Variants in NDST4 observed in about 807,000 individuals in gnomAD.
NDST4 encodes N-deacetylase and N-sulfotransferase 4.
In NDST4, 63 loss-of-function variants were observed where a neutral mutation model predicts 100.8. That is an observed-to-expected ratio of 0.62 (90% CI 0.51 to 0.77). The LOEUF (loss-of-function observed/expected upper bound fraction) is 0.77. NDST4 is among the 30% of genes least tolerant of loss of function. The probability of loss-of-function intolerance (pLI) is 0.00; values close to 1 mark genes in which losing one functional copy is unlikely to be tolerated. For synonymous variants in NDST4, 377 were observed against 361.8 expected (o/e 1.04, Z -0.48); for missense variants, 943 against 1,018.4 (o/e 0.93, Z 1.01).
chr4:114,925,490 T>G (rs995681234), intron 6 of NDST4, among the ~76,000 whole-genome samples: 20 of 152,170 alleles, frequency 1.3e-4, no homozygotes, highest in African/African-American at 4.8e-4. Flanking sequence ...CATAATGTAC[T>G]GCACCTGCTA....
At chr4:114,995,401 C>G (rs888503431) in intron 2 of NDST4, among the ~76,000 whole-genome samples, 13 of 152,066 alleles carry the variant, frequency 8.5e-5, no homozygotes, top group African/African-American at 2.9e-4. Context: ...TCTATTTTCA[C>G]TTAGAAGTAA....
intron 1 of NDST4, among the ~76,000 whole-genome samples, chr4:115,109,692 A>G (rs929119597): frequency 4.6e-5 from 7 of 151,916 alleles, no homozygotes; most frequent in Non-Finnish European, 8.8e-5. Context: ...CTAATTAAAC[A>G]TAACTATTTA....
At chr4:115,096,440 T>C (rs1373254618) in intron 1 of NDST4, among the ~76,000 whole-genome samples, 1 of 152,078 alleles carries the variant, frequency 6.6e-6, no homozygotes, top group Non-Finnish European at 1.5e-5. Flanking sequence ...TCTTTCCTTT[T>C]CATTGTTCTC....
intron 2 of NDST4, among the ~76,000 whole-genome samples, chr4:115,063,557 T>A (rs1728868498): frequency 6.6e-6 from 1 of 151,962 alleles, no homozygotes; most frequent in Admixed American, 6.6e-5. Flanking sequence ...ATTCTTTAGA[T>A]ATGAAACCTT....
chr4:115,071,136 A>T (rs1729068178), intron 2 of NDST4, among the ~76,000 whole-genome samples: 1 of 150,412 alleles, frequency 6.6e-6, no homozygotes, highest in African/African-American at 2.5e-5. Context: ...AAAATAAAAT[A>T]AAAAAATAAA....
chr4:115,039,250 A>T (rs1248063524), intron 2 of NDST4, among the ~76,000 whole-genome samples: 3 of 152,128 alleles, frequency 2.0e-5, no homozygotes, highest in Non-Finnish European at 4.4e-5. Flanking sequence ...AGAACACAAA[A>T]TCCCGAAGGA....
At chr4:114,953,038 T>A (rs1726056634) in intron 4 of NDST4, among the ~76,000 whole-genome samples, 1 of 150,582 alleles carries the variant, frequency 6.6e-6, no homozygotes. Context: ...TTTTCTTTTT[T>A]TTTTTTTGTG....
At chr4:114,949,366 C>T (rs762518670) in intron 4 of NDST4, among the ~76,000 whole-genome samples, 8 of 151,892 alleles carry the variant, frequency 5.3e-5, no homozygotes, top group Non-Finnish European at 7.4e-5. Flanking sequence ...AGCATGATGT[C>T]GGATAGGGAA....
intron 12 of NDST4, among the ~76,000 whole-genome samples, chr4:114,831,113 C>A (rs1217972430): frequency 6.7e-6 from 1 of 150,198 alleles, no homozygotes; most frequent in Admixed American, 6.6e-5. Flanking sequence ...ACTGCAGTGG[C>A]GCAATCTCGG....
intron 2 of NDST4, among the ~76,000 whole-genome samples, chr4:115,015,284 A>T (rs1473046821): frequency 6.6e-6 from 1 of 152,100 alleles, no homozygotes; most frequent in African/African-American, 2.4e-5. Context: ...TGCCAGGTTT[A>T]CAGATGGTTC....
intron 6 of NDST4, among the ~76,000 whole-genome samples, chr4:114,898,963 T>C (rs1724775298): frequency 6.6e-6 from 1 of 152,156 alleles, no homozygotes; most frequent in Non-Finnish European, 1.5e-5. Context: ...TCATGTCACC[T>C]GCAAACAAAG....
At chr4:115,003,818 A>G (rs1029098396) in intron 2 of NDST4, among the ~76,000 whole-genome samples, 1 of 152,084 alleles carries the variant, frequency 6.6e-6, no homozygotes, top group South Asian at 2.1e-4. Flanking sequence ...TAGTGAGCTG[A>G]GATCACACCA....
Position 114,845,804 on chromosome 4 carries a change from A to G in NDST4, c.2115+19T>C. 6.3e-7 allele frequency: 1 copy of G among 1,584,388 alleles called. No homozygotes were observed. The highest frequency in any genetic ancestry group is 8.6e-7 in the Non-Finnish European group (1 of 1,160,548). On this transcript the variant is annotated intron_variant, in intron 10 of 13. Coordinates refer to ENST00000264363, the MANE Select transcript of NDST4 (RefSeq NM_022569.3). Reference sequence around the variant, plus strand: ...AGCTATAACAAAATGCTTTTAGCCGATTTTTTTACTGACCATACCTGGTAC... The same window carrying G: ...AGCTATAACAAAATGCTTTTAGCCGGTTTTTTTACTGACCATACCTGGTAC...
At chr4:114,907,491 TAATA>T (rs1225341242) in intron 6 of NDST4, among the ~76,000 whole-genome samples, 1 of 152,182 alleles carries the variant, frequency 6.6e-6, no homozygotes, top group Non-Finnish European at 1.5e-5. Flanking sequence ...GGAAAGTTCT[TAATA>T]AATGTTATGA....
At chr4:114,966,319 A>G (rs780986033) in intron 4 of NDST4, among the ~76,000 whole-genome samples, 2 of 152,036 alleles carry the variant, frequency 1.3e-5, no homozygotes, top group Non-Finnish European at 2.9e-5. Context: ...TGAAGCAATA[A>G]CAATAACAAT....
chr4:115,060,358 A>G (rs761566676), intron 2 of NDST4, among the ~76,000 whole-genome samples: 1 of 151,984 alleles, frequency 6.6e-6, no homozygotes, highest in Non-Finnish European at 1.5e-5. Context: ...CTTCTCTTAC[A>G]CTGTGAAAAT....
intron 2 of NDST4, among the ~76,000 whole-genome samples, chr4:115,043,844 G>A (rs1373595190): frequency 2.0e-5 from 3 of 152,084 alleles, no homozygotes; most frequent in African/African-American, 4.8e-5. Flanking sequence ...ACTGTATGAA[G>A]TATCATAGCA....
intron 8 of NDST4, among the ~76,000 whole-genome samples, chr4:114,849,141 C>G (rs1723620026): frequency 6.6e-6 from 1 of 152,212 alleles, no homozygotes; most frequent in Non-Finnish European, 1.5e-5. Flanking sequence ...CTAGATAGAG[C>G]AGACTGGCTG....
intron 2 of NDST4, among the ~76,000 whole-genome samples, chr4:115,037,850 T>C (rs992183762): frequency 2.6e-5 from 4 of 152,060 alleles, no homozygotes; most frequent in African/African-American, 9.7e-5. Context: ...ACTTAAATTA[T>C]AGAAGAAAAA....
Sources: gnomAD v4.1 joint callset for allele counts (sites outside exome capture counted in the v4.1 genomes callset) on GRCh38, gnomAD v4.1.1 for gene constraint, MANE v1.5 for transcripts, NCBI Gene and HGNC (gene_info 2026-07-23, HGNC 2026-07-21) for gene names.